MYCBP2: variants seen among roughly 807,000 people sequenced by gnomAD.
MYCBP2 encodes the protein MYC binding protein 2.
Under a neutral mutation model 525.3 loss-of-function variants are expected in MYCBP2, and 120 were observed. The observed-to-expected ratio is 0.23, with a 90% CI of 0.20 to 0.27. The LOEUF (loss-of-function observed/expected upper bound fraction) is 0.27. Among genes scored for constraint, MYCBP2 ranks in the 10% least tolerant of loss-of-function variants. The pLI is 1.00. For synonymous variants in MYCBP2, 1,894 were observed against 1,955.8 expected, an observed-to-expected ratio of 0.97 and a Z score of 0.83; for missense variants, 4,149 against 5,657.1, an observed-to-expected ratio of 0.73 and a Z score of 8.55.
chr13:77,100,382 G>T (rs1240590987), intron 55 of MYCBP2: 1 of 152,054 alleles, frequency 6.6e-6, no homozygotes, highest in African/African-American at 2.4e-5. Context: ...GTAATACCAA[G>T]AATGAATCCA....
intron 47 of MYCBP2, among the ~76,000 whole-genome samples, chr13:77,147,926 A>G (rs2055865334): frequency 6.6e-6 from 1 of 152,120 alleles, no homozygotes; most frequent in Non-Finnish European, 1.5e-5. Flanking sequence ...TGGGAATGGT[A>G]TTCCATACCT....
intron 70 of MYCBP2, 55 bp downstream of exon 70, chr13:77,068,510 T>C: frequency 1.3e-6 from 2 of 1,573,620 alleles, no homozygotes; most frequent in Non-Finnish European, 1.7e-6. Context: ...ATTGCAACTT[T>C]TAACAATGTT....
intron 55 of MYCBP2, among the ~76,000 whole-genome samples, chr13:77,107,873 ATTC>A (rs1186976334): frequency 6.6e-6 from 1 of 152,200 alleles, no homozygotes; most frequent in Non-Finnish European, 1.5e-5. Context: ...TACATCTAAT[ATTC>A]TTCTTTGTAG....
rs71814048 is a variant in MYCBP2, at chr13:77,071,271, GCACACACACACA to G, written c.11824-572_11824-561del. On this transcript the variant is annotated intron_variant, in intron 68 of 82. Coordinates refer to ENST00000544440, the MANE Select transcript of MYCBP2 (RefSeq NM_015057.5). The stretch of plus-strand genomic sequence containing the variant: ...TATATGCATGCACGTGTGTGCACAC[GCACACACACACA>G]CACACACACACACACACACACACAC... 9.1e-5 allele frequency among the ~76,000 whole-genome samples: 13 copies of G among 142,734 alleles called. No homozygotes were observed. The South Asian group carries it at 1.8e-3, about 19-fold the overall frequency. 93.6% of individuals were successfully genotyped at this position (142,734 alleles called of 152,430 possible).
At chr13:77,213,579 T>C (rs2064348751) in intron 21 of MYCBP2, among the ~76,000 whole-genome samples, 1 of 152,324 alleles carries the variant, frequency 6.6e-6, no homozygotes, top group Admixed American at 6.5e-5. Flanking sequence ...TCATTGACTA[T>C]TGAAATAAAT....
At chr13:77,163,980 T>C (rs2058243059) in intron 43 of MYCBP2, among the ~76,000 whole-genome samples, 1 of 152,198 alleles carries the variant, frequency 6.6e-6, no homozygotes, top group African/African-American at 2.4e-5. Flanking sequence ...GCTTTAATCC[T>C]AAGCTATCTT....
At chr13:77,063,409 A>G in intron 73 of MYCBP2, among the ~76,000 whole-genome samples, 1 of 152,094 alleles carries the variant, frequency 6.6e-6, no homozygotes, top group Non-Finnish European at 1.5e-5. Flanking sequence ...TACAAAAAAA[A>G]TTAGCCAGGT....
At chr13:77,117,768 G>A (rs1248305709) in intron 55 of MYCBP2, among the ~76,000 whole-genome samples, 2 of 152,102 alleles carry the variant, frequency 1.3e-5, no homozygotes, top group Admixed American at 1.3e-4. Context: ...AGAACACTCA[G>A]TTAAGTATAA....
intron 17 of MYCBP2, among the ~76,000 whole-genome samples, chr13:77,235,432 T>G (rs769886186): frequency 6.6e-6 from 1 of 152,116 alleles, no homozygotes; most frequent in Non-Finnish European, 1.5e-5. Flanking sequence ...CAATATTGTA[T>G]AGTCATTAAA....
chr13:77,054,139 T>C (rs1239859062), intron 80 of MYCBP2, among the ~76,000 whole-genome samples: 3 of 151,690 alleles, frequency 2.0e-5, no homozygotes, highest in South Asian at 4.2e-4. Flanking sequence ...ACAGCATGTG[T>C]GTATGGGGTT....
intron 1 of MYCBP2, among the ~76,000 whole-genome samples, chr13:77,320,756 C>T (rs537299613): frequency 6.6e-6 from 1 of 152,156 alleles, no homozygotes; most frequent in East Asian, 1.9e-4. Context: ...CAGTACCCAG[C>T]GCCATATACA....
intron 15 of MYCBP2, among the ~76,000 whole-genome samples, chr13:77,249,243 C>T (rs527511003): frequency 2.0e-5 from 3 of 152,234 alleles, no homozygotes; most frequent in African/African-American, 4.8e-5. Context: ...GAACTGTCTA[C>T]TTAAAAATGG....
intron 69 of MYCBP2, among the ~76,000 whole-genome samples, chr13:77,070,163 A>G (rs2040927170): frequency 6.6e-6 from 1 of 152,234 alleles, no homozygotes; most frequent in South Asian, 2.1e-4. Flanking sequence ...AAGGTAAGCA[A>G]GTTTTCATAA....
intron 72 of MYCBP2, among the ~76,000 whole-genome samples, chr13:77,065,456 T>C (rs2073840): frequency 0.44 from 66,659 of 152,010 alleles, 18,448 homozygotes; most frequent in Non-Finnish European, 0.62. Flanking sequence ...CTTCTCAGGC[T>C]GCCCTCCTAG....
intron 1 of MYCBP2, among the ~76,000 whole-genome samples, chr13:77,325,972 A>T (rs190811479): frequency 6.6e-6 from 1 of 152,268 alleles, no homozygotes; most frequent in East Asian, 1.9e-4. Flanking sequence ...TCTTGGTGAA[A>T]GGCAGATTGA....
intron 2 of MYCBP2, among the ~76,000 whole-genome samples, chr13:77,289,848 A>G (rs989024432): frequency 1.3e-5 from 2 of 152,152 alleles, no homozygotes; most frequent in African/African-American, 4.8e-5. Flanking sequence ...ATCACAGGAT[A>G]TAAAATTACT....
intron 55 of MYCBP2, among the ~76,000 whole-genome samples, chr13:77,113,628 A>G (rs9573996): frequency 0.46 from 69,760 of 151,988 alleles, 19,886 homozygotes; most frequent in Non-Finnish European, 0.64. Context: ...ACTGGGACAA[A>G]ATGTCTTGTA....
intron 62 of MYCBP2, among the ~76,000 whole-genome samples, chr13:77,086,928 T>C (rs185563648): frequency 5.9e-5 from 9 of 152,240 alleles, no homozygotes; most frequent in African/African-American, 2.2e-4. Flanking sequence ...CTTCTTACAA[T>C]TTCTTCTCAT....
intron 80 of MYCBP2, among the ~76,000 whole-genome samples, chr13:77,053,746 G>C (rs1313837620): frequency 6.6e-6 from 1 of 152,044 alleles, no homozygotes; most frequent in East Asian, 1.9e-4. Flanking sequence ...TGCCTTTCTG[G>C]CTATCATCTC....
Sources: gnomAD v4.1 joint callset for allele counts (sites outside exome capture counted in the v4.1 genomes callset) on GRCh38, gnomAD v4.1.1 for gene constraint, MANE v1.5 for transcripts, NCBI Gene and HGNC (gene_info 2026-07-23, HGNC 2026-07-21) for gene names.